The following MARCHF6 variants were observed in gnomAD, a reference collection of about 807,000 sequenced individuals.
The protein encoded by MARCHF6 is E3 ubiquitin-protein ligase MARCHF6.
MARCHF6 carries 31 observed loss-of-function variants against 133.7 expected under a neutral mutation model. The ratio of observed to expected loss-of-function variants is 0.23; its 90% CI spans 0.17 to 0.31. The LOEUF is 0.31. MARCHF6 is among the 10% of genes least tolerant of loss of function. The pLI, the probability that MARCHF6 is intolerant of heterozygous loss-of-function variation, is 1.00. For missense variants in MARCHF6, 723 were observed against 1,121.6 expected (o/e 0.64, Z 5.08); for synonymous variants, 395 against 402.5 (o/e 0.98, Z 0.22).
chr5:10,400,684 T>C, intron 10 of MARCHF6, 100 bp from the exon 11 acceptor site: 1 of 854,846 alleles, frequency 1.2e-6, no homozygotes, highest in Non-Finnish European at 2.0e-6. Context: ...GAATCTTTCA[T>C]TTCTCCAAGA....
intron 7 of MARCHF6, among the ~76,000 whole-genome samples, chr5:10,392,894 C>G (rs2126735671): frequency 6.6e-6 from 1 of 152,244 alleles, no homozygotes; most frequent in East Asian, 1.9e-4. Context: ...ATTTTTGTGT[C>G]TCTTTGTGTC....
chr5:10,425,086 C>T (rs1017690088), intron 23 of MARCHF6, among the ~76,000 whole-genome samples: 3 of 152,212 alleles, frequency 2.0e-5, no homozygotes, highest in African/African-American at 7.2e-5. Flanking sequence ...CAGTAAAGTA[C>T]ACCTCTTTTT....
chr5:10,433,494 A>T (rs892166589), intron 25 of MARCHF6, 100 bp from the exon 26 acceptor site: 1 of 867,810 alleles, frequency 1.2e-6, no homozygotes, highest in Non-Finnish European at 1.9e-6. Flanking sequence ...TTGCCCAACC[A>T]TTGACGAGTT....
intron 9 of MARCHF6, 106 bp from the exon 10 acceptor site, chr5:10,397,187 C>A: frequency 1.4e-6 from 1 of 728,916 alleles, no homozygotes. Context: ...AAATTTCAAT[C>A]TTAGCTGTTT....
Position 10,358,187 on chromosome 5 carries a change from C to T in MARCHF6, c.19+4270C>T, listed in dbSNP as rs777917777. On this transcript the variant is annotated intron_variant, in intron 1 of 25. Coordinates refer to ENST00000274140, the MANE Select transcript of MARCHF6 (RefSeq NM_005885.4). ...CTATGTGAAGTGTCTAAGATGGGAG[C>T]ATGCCTAGAGTGTTCAATAAATCAC... Among the ~76,000 whole-genome samples the T allele has an allele frequency of 6.6e-5, 10 of 152,084 alleles. No individual in the cohort carries two copies. The South Asian group carries it at 1.2e-3, about 19-fold the overall frequency.
At position 10,402,434 on chromosome 5, in the gene MARCHF6, C is replaced by G. The variant is rs1738599231; in HGVS notation, c.1104C>G (p.Val368=). Reference sequence around the variant, plus strand: ...ATAGATCTCGTCGCTTACTGGGAGTCTGCTATATTGTTGTTAAGGTAATTC... The same window carrying G: ...ATAGATCTCGTCGCTTACTGGGAGTGTGCTATATTGTTGTTAAGGTAATTC... ...KFHRSRRLLG[V]CYIVVKVSLL... The change falls in exon 13 of 26, where the codon GTC becomes GTG. Residue 368 remains valine (V), a synonymous_variant. Coordinates refer to ENST00000274140, the MANE Select transcript of MARCHF6 (RefSeq NM_005885.4). 1 of 1,613,678 alleles carries G rather than the reference C, an allele frequency of 6.2e-7. No individual in the cohort carries two copies. The highest frequency in any genetic ancestry group is 8.5e-7 in the Non-Finnish European group (1 of 1,179,856).
chr5:10,373,922 G>T (rs116303352), intron 1 of MARCHF6, among the ~76,000 whole-genome samples: 2 of 152,004 alleles, frequency 1.3e-5, no homozygotes, highest in Admixed American at 6.6e-5. Flanking sequence ...GGACTGATCC[G>T]CACCTGTGGC....
chr5:10,399,801 C>G (rs1431889014), intron 10 of MARCHF6, among the ~76,000 whole-genome samples: 2 of 152,134 alleles, frequency 1.3e-5, no homozygotes, highest in Admixed American at 6.6e-5. Flanking sequence ...GTCTTTTAAT[C>G]TAGAGTACTC....
intron 15 of MARCHF6, among the ~76,000 whole-genome samples, chr5:10,404,175 C>G (rs867236463): frequency 3.3e-5 from 5 of 152,028 alleles, no homozygotes; most frequent in South Asian, 2.1e-4. Context: ...TCAAGTGATT[C>G]TCCTGCTTGA....
chr5:10,418,884 T>A (rs1739681233), intron 22 of MARCHF6, among the ~76,000 whole-genome samples: 1 of 152,162 alleles, frequency 6.6e-6, no homozygotes, highest in Non-Finnish European at 1.5e-5. Flanking sequence ...ACTGTGGCAT[T>A]GTGTAGGAGA....
intron 24 of MARCHF6, among the ~76,000 whole-genome samples, chr5:10,429,128 T>C (rs1209412498): frequency 1.3e-5 from 2 of 152,202 alleles, no homozygotes; most frequent in Admixed American, 6.5e-5. Flanking sequence ...TTGTGGTGTT[T>C]GGAATAATCC....
Position 10,436,708 on chromosome 5 carries a change from G to A in MARCHF6, c.*3024G>A, listed in dbSNP as rs925506284. 4.6e-5 allele frequency: 7 copies of A among 151,992 alleles called. No individual in the cohort carries two copies. The highest frequency in any genetic ancestry group is 1.2e-4 in the African/African-American group (5 of 41,370). The allele number at this position is 151,992 out of a possible 1,614,324, so 9.4% of individuals were successfully genotyped here. A position where few individuals can be genotyped will look rare whatever the true frequency, so the allele number is the denominator to read the frequency against. On this transcript the variant is annotated 3_prime_UTR_variant, in exon 26 of 26. Transcript: ENST00000274140. ...TTATGTTTGATTTTTAAACTATTTA[G>A]TACTAATAGTTGAGATGAAAACTGA...
At chr5:10,426,231 T>C (rs113284998) in intron 23 of MARCHF6, among the ~76,000 whole-genome samples, 159 bp from the exon 24 acceptor site, 132 of 152,358 alleles carry the variant, frequency 8.7e-4, no homozygotes, top group African/African-American at 3.2e-3. Flanking sequence ...TCGTGGGCAC[T>C]ATGCTTATGT....
At chr5:10,431,504 A>G (rs1193515100) in intron 25 of MARCHF6, among the ~76,000 whole-genome samples, 7 of 151,698 alleles carry the variant, frequency 4.6e-5, no homozygotes, top group Admixed American at 4.6e-4. Flanking sequence ...CTCTTTTCCC[A>G]TCTGTTCCTT....
chr5:10,435,227 A>G lies in MARCHF6; in HGVS notation c.*1543A>G, dbSNP rs1740545782. ...AAGAGCAATGTGTTCTGGCTGTTTT[A>G]TACTTCAACAATTTTTTCCCTAAGT... On this transcript the variant is annotated 3_prime_UTR_variant, in exon 26 of 26. Coordinates refer to ENST00000274140, the MANE Select transcript of MARCHF6 (RefSeq NM_005885.4). 6.6e-6 allele frequency: 1 copy of G among 152,624 alleles called. No individual in the cohort carries two copies. Among genetic ancestry groups the G allele is most frequent in the Non-Finnish European group, 1.5e-5 (1 of 68,030 alleles). 9.5% of individuals were successfully genotyped at this position (152,624 alleles called of 1,614,324 possible).
chr5:10,381,958 C>T lies in MARCHF6; in HGVS notation c.334+15C>T. 1 of 1,608,312 alleles carries T rather than the reference C, an allele frequency of 6.2e-7. No individual in the cohort carries two copies. The highest frequency in any genetic ancestry group is 8.5e-7 in the Non-Finnish European group (1 of 1,176,496). ...TCTTACAGCATGTGAGTATTCATGC[C>T]TCTGATTGGAGTTATTTAAACATTG... On this transcript the variant is annotated intron_variant, in intron 4 of 25. Coordinates refer to ENST00000274140, the MANE Select transcript of MARCHF6 (RefSeq NM_005885.4).
At chr5:10,411,895 A>G (rs1739251808) in intron 19 of MARCHF6, among the ~76,000 whole-genome samples, 1 of 152,192 alleles carries the variant, frequency 6.6e-6, no homozygotes, top group African/African-American at 2.4e-5. Context: ...CGATAATTTC[A>G]TGTTTATAGC....
At chr5:10,391,464 T>TTTTTTTA in intron 6 of MARCHF6, 78 bp from the exon 7 acceptor site, 1 of 431,754 alleles carries the variant, frequency 2.3e-6, no homozygotes, top group South Asian at 3.2e-5. Flanking sequence ...TTTTTTTTTT[T>TTTTTTTA]AGCAGGAATA....
At chr5:10,362,096 T>C (rs1270602435) in intron 1 of MARCHF6, among the ~76,000 whole-genome samples, 1 of 152,142 alleles carries the variant, frequency 6.6e-6, no homozygotes, top group Non-Finnish European at 1.5e-5. Context: ...TCTCTCTCCT[T>C]CCCTTCTGTC....
Sources: allele counts gnomAD v4.1 joint callset (sites outside exome capture counted in the v4.1 genomes callset), GRCh38; gene constraint gnomAD v4.1.1; transcripts MANE v1.5; gene names NCBI Gene and HGNC (gene_info 2026-07-23, HGNC 2026-07-21).